The following SLC35F4 variants were observed in gnomAD, a reference collection of about 807,000 sequenced individuals.
SLC35F4 encodes chromosome 14 open reading frame 36.
A neutral mutation model predicts 44.2 loss-of-function variants in SLC35F4; 24 were observed. The observed-to-expected ratio is 0.54, with a 90% CI of 0.39 to 0.76. The LOEUF is 0.76. SLC35F4 is among the 30% of genes least tolerant of loss of function. The pLI is 0.00. For missense variants in SLC35F4, 562 were observed against 586.1 expected (o/e 0.96, Z 0.42); for synonymous variants, 238 against 223.6 (o/e 1.06, Z -0.57).
chr14:57,762,340 C>G (rs996850898), intron 1 of SLC35F4, among the ~76,000 whole-genome samples: 2 of 152,184 alleles, frequency 1.3e-5, no homozygotes, highest in Middle Eastern at 3.4e-3. Context: ...AAAAATTGTA[C>G]AAGACTTGGA....
rs1480934531 is a variant in SLC35F4, at chr14:57,631,632, T to C, written c.104-37508A>G. Among the ~76,000 whole-genome samples, 3 of 152,106 alleles carry C rather than the reference T, an allele frequency of 2.0e-5. No homozygotes were observed. In the East Asian group the frequency reaches 5.8e-4, roughly 29 times the overall value. ...AGGCAAGTTGAAAGACAACATTCAT[T>C]CTAGGTGATTTTGTGGTACCAAGAA... On this transcript the variant is annotated intron_variant, in intron 1 of 7. Transcript: ENST00000556826.
upstream of SLC35F4, among the ~76,000 whole-genome samples, chr14:57,870,220 CTG>C (rs1888267531): frequency 6.6e-6 from 1 of 151,042 alleles, no homozygotes; most frequent in South Asian, 2.1e-4. Flanking sequence ...CTCTCTGAGT[CTG>C]TGTGTGTCTG....
At chr14:57,963,512 A>C (rs1476521394) in intron 1 of SLC35F4, among the ~76,000 whole-genome samples, 1 of 152,124 alleles carries the variant, frequency 6.6e-6, no homozygotes, top group Non-Finnish European at 1.5e-5. Context: ...GCTGTGTTCT[A>C]GAAAGCAGAA....
rs1419341777 is a variant in SLC35F4 at position 57,694,613 on chromosome 14, C to A, written c.104-100489G>T. On this transcript the variant is annotated intron_variant, in intron 1 of 7. Transcript: ENST00000556826. ...TTGATAGATATTTCACAGAATCTAT[C>A]CCTCAGTTTGGGGAAAACTGACATC... Among the ~76,000 whole-genome samples, 3 of 152,244 alleles carry A rather than the reference C, an allele frequency of 2.0e-5. No homozygotes were observed. In the East Asian group the frequency reaches 5.8e-4, roughly 29 times the overall value.
intron 1 of SLC35F4, among the ~76,000 whole-genome samples, chr14:57,603,563 T>A (rs1456716663): frequency 1.3e-5 from 2 of 152,186 alleles, no homozygotes; most frequent in African/African-American, 2.4e-5. Flanking sequence ...CTATCCAGAC[T>A]TAGAATCTCC....
intron 1 of SLC35F4, among the ~76,000 whole-genome samples, chr14:57,731,555 C>T (rs1482415643): frequency 2.6e-5 from 4 of 152,152 alleles, no homozygotes; most frequent in South Asian, 2.1e-4. Flanking sequence ...TTCACTGGTT[C>T]GAGCAGCAGA....
At chr14:57,653,280 T>C (rs1335751781) in intron 1 of SLC35F4, among the ~76,000 whole-genome samples, 1 of 152,112 alleles carries the variant, frequency 6.6e-6, no homozygotes. Context: ...AAATGAGGCA[T>C]GAAAGACGAC....
At chr14:57,613,654 C>T (rs751840258) in intron 1 of SLC35F4, among the ~76,000 whole-genome samples, 1 of 152,212 alleles carries the variant, frequency 6.6e-6, no homozygotes, top group Non-Finnish European at 1.5e-5. Context: ...TACATAGCTT[C>T]CAAAGACTTT....
intron 1 of SLC35F4, among the ~76,000 whole-genome samples, chr14:57,930,929 C>A (rs1018496055): frequency 2.0e-5 from 3 of 152,040 alleles, no homozygotes; most frequent in Admixed American, 6.6e-5. Context: ...TTCAGGAAAA[C>A]CCTGAAGTGG....
intron 1 of SLC35F4, among the ~76,000 whole-genome samples, chr14:57,756,052 C>T (rs1412802852): frequency 7.2e-5 from 11 of 152,250 alleles, no homozygotes; most frequent in Non-Finnish European, 1.5e-5. Flanking sequence ...CTTTTGCAGG[C>T]AGTTGCCCTG....
intron 1 of SLC35F4, among the ~76,000 whole-genome samples, chr14:57,614,178 CAT>C (rs77235547): frequency 0.16 from 24,787 of 151,922 alleles, 2,061 homozygotes; most frequent in Middle Eastern, 0.22. Context: ...TGGGGAAACA[CAT>C]AAAATAAAAT....
chr14:57,799,952 A>G (rs1310032795), intron 1 of SLC35F4, among the ~76,000 whole-genome samples: 1 of 152,136 alleles, frequency 6.6e-6, no homozygotes, highest in Non-Finnish European at 1.5e-5. Context: ...GGAGAATACA[A>G]ATAGTCCAGA....
Position 57,695,615 on chromosome 14 carries a change from A to G in SLC35F4, c.104-101491T>C, listed in dbSNP as rs1427198792. On this transcript the variant is annotated intron_variant, in intron 1 of 7. Transcript: ENST00000556826. ...AACCATTGTGGAAGTCAGTGTGGCGATTCCTCAGGGATCTAGAACTAGAAA... is the reference window on the plus strand; with the variant it reads ...AACCATTGTGGAAGTCAGTGTGGCGGTTCCTCAGGGATCTAGAACTAGAAA... Among the ~76,000 whole-genome samples the G allele has an allele frequency of 2.6e-5, 4 of 152,138 alleles. No homozygotes were observed. In the East Asian group the frequency reaches 5.8e-4, roughly 22 times the overall value.
At chr14:57,747,106 G>A (rs1271804813) in intron 1 of SLC35F4, among the ~76,000 whole-genome samples, 2 of 152,112 alleles carry the variant, frequency 1.3e-5, no homozygotes, top group African/African-American at 2.4e-5. Flanking sequence ...AAACAAAAAG[G>A]AAATAAACAT....
intron 1 of SLC35F4, among the ~76,000 whole-genome samples, chr14:57,836,950 A>C (rs1401369536): frequency 6.6e-6 from 1 of 152,230 alleles, no homozygotes; most frequent in Non-Finnish European, 1.5e-5. Context: ...ACTGTCATAT[A>C]TTAAAAACTG....
chr14:57,968,243 T>G (rs1018141726), intron 1 of SLC35F4, among the ~76,000 whole-genome samples: 3 of 152,210 alleles, frequency 2.0e-5, no homozygotes, highest in Non-Finnish European at 4.4e-5. Flanking sequence ...ATTTCACAAG[T>G]AAAATAAAAT....
At chr14:57,644,138 T>TG in intron 1 of SLC35F4, among the ~76,000 whole-genome samples, 2 of 152,290 alleles carry the variant, frequency 1.3e-5, no homozygotes, top group East Asian at 1.9e-4. Flanking sequence ...TACCCAGTAA[T>TG]GGGATGGCTG....
chr14:57,598,612 G>A lies in SLC35F4; in HGVS notation c.104-4488C>T, dbSNP rs116952684. 3.5e-3 allele frequency among the ~76,000 whole-genome samples: 536 copies of A among 152,244 alleles called. 1 individual carries two copies. The highest frequency in any genetic ancestry group is 0.011 in the East Asian group (57 of 5,188). On this transcript the variant is annotated intron_variant, in intron 1 of 7. Transcript: ENST00000556826. ...AGCAAAGAGTCAAATGTCTCCATGC[G>A]AACAAGTGCAAGATGACTTGGAAGA...
Position 57,865,757 on chromosome 14 carries a change from G to A in SLC35F4, c.69C>T (p.Tyr23=). The change falls in exon 1 of 8, where the codon TAC becomes TAT. Residue 23 remains tyrosine, a synonymous_variant. Coordinates refer to ENST00000556826, the MANE Select transcript of SLC35F4 (RefSeq NM_001306087.2). ...TGGAGTAACCTGGATAATAGCCATA[G>A]TAGCCGGTGATCCGCAGGATCCGGT... is the stretch of plus-strand genomic sequence containing the variant. ...IEDRILRITG[Y]YGYYPGYSSQ... is the part of the protein sequence containing the mutation. 6.6e-7 allele frequency: 1 copy of A among 1,523,980 alleles called. No homozygotes were observed. The highest frequency in any genetic ancestry group is 8.8e-7 in the Non-Finnish European group (1 of 1,142,048). The allele number at this position is 1,523,980 out of a possible 1,614,324, so 94.4% of individuals were successfully genotyped here.
Sources: gnomAD v4.1 joint callset for allele counts (sites outside exome capture counted in the v4.1 genomes callset) on GRCh38, gnomAD v4.1.1 for gene constraint, MANE v1.5 for transcripts, NCBI Gene and HGNC (gene_info 2026-07-23, HGNC 2026-07-21) for gene names.